The following LARS2 variants were observed in gnomAD, a reference collection of about 807,000 sequenced individuals.
LARS2 encodes leucine--tRNA ligase, mitochondrial.
A neutral mutation model predicts 116.6 loss-of-function variants in LARS2; 81 were observed. The ratio of observed to expected loss-of-function variants is 0.69; its 90% CI spans 0.58 to 0.84. The LOEUF is 0.84. Ranked by LOEUF, LARS2 falls within the 40% of genes least tolerant of loss-of-function variation. The pLI, the probability that LARS2 is intolerant of heterozygous loss-of-function variation, is 0.00. For synonymous variants in LARS2, 396 were observed against 407.2 expected, an observed-to-expected ratio of 0.97 and a Z score of 0.33; for missense variants, 968 against 1,114.5, an observed-to-expected ratio of 0.87 and a Z score of 1.87.
intron 11 of LARS2, among the ~76,000 whole-genome samples, chr3:45,487,938 T>C (rs1699843847): frequency 6.6e-6 from 1 of 152,136 alleles, no homozygotes; most frequent in Admixed American, 6.5e-5. Context: ...GAACAAAACA[T>C]AGTTACCAGT....
chr3:45,539,720 T>C (rs759536136), intron 20 of LARS2, among the ~76,000 whole-genome samples: 1 of 152,072 alleles, frequency 6.6e-6, no homozygotes, highest in Non-Finnish European at 1.5e-5. Flanking sequence ...TACTATTTTA[T>C]TGCAACTGAT....
intron 7 of LARS2, among the ~76,000 whole-genome samples, chr3:45,455,784 T>C (rs991120415): frequency 6.6e-6 from 1 of 151,962 alleles, no homozygotes; most frequent in African/African-American, 2.4e-5. Flanking sequence ...AAATGTGGAG[T>C]ATATACACAA....
intron 20 of LARS2, 69 bp from the exon 21 acceptor site, chr3:45,541,760 T>C (rs1700799521): frequency 3.8e-6 from 6 of 1,572,858 alleles, no homozygotes; most frequent in Non-Finnish European, 4.3e-6. Context: ...GGATGGAAGC[T>C]TTGGTCCTGC....
At chr3:45,486,688 C>A (rs1394661776) in intron 11 of LARS2, among the ~76,000 whole-genome samples, 1 of 152,212 alleles carries the variant, frequency 6.6e-6, no homozygotes, top group East Asian at 1.9e-4. Context: ...ATGTTACTCT[C>A]TTCTAACCAT....
intron 10 of LARS2, among the ~76,000 whole-genome samples, chr3:45,484,640 T>TATATATATATATAC (rs1241694718): frequency 1.2e-5 from 1 of 83,056 alleles, no homozygotes. Context: ...AATATATATA[T>TATATATATATATAC]ATATATATTT....
intron 14 of LARS2, among the ~76,000 whole-genome samples, chr3:45,499,464 A>G (rs1286947465): frequency 6.6e-6 from 1 of 151,894 alleles, no homozygotes; most frequent in Non-Finnish European, 1.5e-5. Context: ...AAAAAAAAAA[A>G]AGAAAAAATT....
Position 45,425,933 on chromosome 3 carries a change from T to A in LARS2, c.516+6204T>A, listed in dbSNP as rs185250460. Among the ~76,000 whole-genome samples the A allele has an allele frequency of 9.3e-4, 140 of 150,582 alleles. No individual in the cohort carries two copies. The East Asian group carries it at 0.02, about 21-fold the overall frequency. ...TTTTCTTTTCTTTTCTTTTTTTTTT[T>A]AATATTGTGGGTTTGATTGGCTGCA... On this transcript the variant is annotated intron_variant, in intron 6 of 21. Coordinates refer to ENST00000645846, the MANE Select transcript of LARS2 (RefSeq NM_015340.4).
rs1306681916 is a variant in LARS2, at chr3:45,485,700, A to G, written c.1027A>G (p.Thr343Ala). ...TTTGCTCTCATTTTCAGATTGCCTC[A>G]CGCCTGTAATGGCTGTGAACATGCT... ...MALVPGKDCL[T>A]PVMAVNMLTQ... Residue 343 changes from threonine (T) to alanine (A), a missense_variant, in exon 11 of 22, where the codon ACG (threonine) becomes GCG (alanine). Coordinates refer to ENST00000645846, the MANE Select transcript of LARS2 (RefSeq NM_015340.4). 1.9e-6 allele frequency: 3 copies of G among 1,600,180 alleles called. No individual in the cohort carries two copies. Among genetic ancestry groups the G allele is most frequent in the Admixed American group, 3.5e-5 (2 of 57,170 alleles).
intron 6 of LARS2, among the ~76,000 whole-genome samples, chr3:45,427,572 GACTT>G (rs1267187341): frequency 2.0e-5 from 3 of 152,112 alleles, no homozygotes; most frequent in Admixed American, 2.0e-4. Flanking sequence ...GCAAATACAA[GACTT>G]ACTTTTAATA....
chr3:45,394,377 A>G (rs1348899621), intron 2 of LARS2, 56 bp from the exon 3 acceptor site: 3 of 937,268 alleles, frequency 3.2e-6, no homozygotes, highest in Admixed American at 2.0e-5. Flanking sequence ...ATGGAAAGAT[A>G]AGCTCTGGGG....
chr3:45,442,974 G>A (rs1216375975), intron 6 of LARS2, among the ~76,000 whole-genome samples: 1 of 152,128 alleles, frequency 6.6e-6, no homozygotes, highest in Non-Finnish European at 1.5e-5. Flanking sequence ...GGACTGTCTT[G>A]TTCACTATAG....
intron 10 of LARS2, among the ~76,000 whole-genome samples, chr3:45,480,247 C>T (rs1005112850): frequency 3.9e-5 from 6 of 152,244 alleles, no homozygotes; most frequent in Non-Finnish European, 8.8e-5. Context: ...AGAACCTTTG[C>T]TGTGCTAATG....
chr3:45,449,086 A>G (rs932547391), intron 7 of LARS2, among the ~76,000 whole-genome samples: 3 of 151,408 alleles, frequency 2.0e-5, no homozygotes, highest in African/African-American at 7.3e-5. Context: ...GCATCATCCT[A>G]CGGTAGAAGG....
intron 20 of LARS2, among the ~76,000 whole-genome samples, chr3:45,525,073 C>T (rs1389391309): frequency 6.6e-6 from 1 of 152,218 alleles, no homozygotes; most frequent in Non-Finnish European, 1.5e-5. Context: ...TTGAGGGACT[C>T]ATTGGGAATT....
chr3:45,470,085 G>A lies in LARS2; in HGVS notation c.751-4158G>A, dbSNP rs180721318. 1.4e-4 allele frequency among the ~76,000 whole-genome samples: 21 copies of A among 152,222 alleles called. No homozygotes were observed. In the East Asian group the frequency reaches 3.3e-3, roughly 24 times the overall value. On this transcript the variant is annotated intron_variant, in intron 8 of 21. Coordinates refer to ENST00000645846, the MANE Select transcript of LARS2 (RefSeq NM_015340.4). ...TACATCCACTTGTTTTACAGGGTCT[G>A]TACTTCTCAGTTTGCTTGCACTTTT...
chr3:45,506,749 T>C (rs960849318), intron 15 of LARS2, among the ~76,000 whole-genome samples: 3 of 152,070 alleles, frequency 2.0e-5, no homozygotes, highest in Non-Finnish European at 4.4e-5. Flanking sequence ...AGGAACTCAG[T>C]TATCTCTGAG....
intron 3 of LARS2, 49 bp downstream of exon 3, chr3:45,394,736 T>C (rs972042140): frequency 7.4e-7 from 1 of 1,348,110 alleles, no homozygotes; most frequent in Non-Finnish European, 1.1e-6. Flanking sequence ...GGGTTGAAGG[T>C]TTGGACCCTG....
At chr3:45,541,449 G>C (rs933281172) in intron 20 of LARS2, 7 of 182,294 alleles carry the variant, frequency 3.8e-5, no homozygotes, top group South Asian at 1.5e-4. Context: ...AGAATGCATA[G>C]GCAAGATAGG....
intron 21 of LARS2, among the ~76,000 whole-genome samples, chr3:45,546,973 C>A (rs745490720): frequency 6.6e-6 from 1 of 152,198 alleles, no homozygotes; most frequent in Non-Finnish European, 1.5e-5. Context: ...TAAACTTGAG[C>A]CCCGATGACA....
Sources: gnomAD v4.1 joint callset for allele counts (sites outside exome capture counted in the v4.1 genomes callset) on GRCh38, gnomAD v4.1.1 for gene constraint, MANE v1.5 for transcripts, NCBI Gene and HGNC (gene_info 2026-07-23, HGNC 2026-07-21) for gene names.